The following ARFGEF2 variants were observed in gnomAD, a reference collection of about 807,000 sequenced individuals.
The protein encoded by ARFGEF2 is brefeldin A-inhibited guanine nucleotide-exchange protein 2.
ARFGEF2 carries 74 observed loss-of-function variants against 219.9 expected under a neutral mutation model. The ratio of observed to expected loss-of-function variants is 0.34; its 90% CI spans 0.28 to 0.41. ARFGEF2 has a LOEUF of 0.41. ARFGEF2 is among the 10% of genes least tolerant of loss of function. ARFGEF2 has a pLI of 1.00. For synonymous variants in ARFGEF2, 733 were observed against 799.2 expected, an observed-to-expected ratio of 0.92 and a Z score of 1.40; for missense variants, 1,743 against 2,218.3, an observed-to-expected ratio of 0.79 and a Z score of 4.30.
At chr20:48,970,142 C>T (rs1401576509) in intron 9 of ARFGEF2, among the ~76,000 whole-genome samples, 1 of 151,104 alleles carries the variant, frequency 6.6e-6, no homozygotes, top group Non-Finnish European at 1.5e-5. Flanking sequence ...AGATGAAACC[C>T]CACTTCTACT....
chr20:48,922,096 T>A, intron 1 of ARFGEF2, 86 bp downstream of exon 1: 1 of 1,488,814 alleles, frequency 6.7e-7, no homozygotes, highest in Non-Finnish European at 9.0e-7. Flanking sequence ...CCCGGCCTCC[T>A]GGCCTCCGCT....
chr20:48,936,977 A>C (rs1473739596), intron 1 of ARFGEF2, among the ~76,000 whole-genome samples: 1 of 152,152 alleles, frequency 6.6e-6, no homozygotes, highest in East Asian at 1.9e-4. Flanking sequence ...GGAAAAAAAA[A>C]AGATTGCATT....
At position 49,012,045 on chromosome 20, in the gene ARFGEF2, C is replaced by T. The variant is rs765224016; in HGVS notation, c.3879C>T (p.Leu1293=). The part of the protein sequence containing the change: ...FPDTSMEAIR[L]IRFCGKYVSE... ...ACACGAGCATGGAAGCGATTCGGCTCATCCGCTTCTGTGGCAAATACGTCT... is the reference window on the plus strand; with the variant it reads ...ACACGAGCATGGAAGCGATTCGGCTTATCCGCTTCTGTGGCAAATACGTCT... The change falls in exon 28 of 39, where the codon CTC becomes CTT. Residue 1293 remains leucine (L), a synonymous_variant. Coordinates refer to ENST00000371917, the MANE Select transcript of ARFGEF2 (RefSeq NM_006420.3). 1.7e-5 allele frequency: 28 copies of T among 1,614,130 alleles called. No homozygotes were observed. Among genetic ancestry groups the T allele is most frequent in the Non-Finnish European group, 2.1e-5 (25 of 1,179,964 alleles).
At chr20:48,982,472 G>C (rs1020761708) in intron 14 of ARFGEF2, among the ~76,000 whole-genome samples, 3 of 152,212 alleles carry the variant, frequency 2.0e-5, no homozygotes, top group African/African-American at 7.2e-5. Flanking sequence ...GGTCCCACTT[G>C]AGGAGGCAGG....
intron 20 of ARFGEF2, among the ~76,000 whole-genome samples, chr20:48,990,838 G>A (rs2091353450): frequency 6.6e-6 from 1 of 152,220 alleles, no homozygotes; most frequent in Admixed American, 6.5e-5. Context: ...TCTCAAACAT[G>A]TGGCAGTGCA....
chr20:49,011,831 A>ATG lies in ARFGEF2; in HGVS notation c.3758-74_3758-73dup, dbSNP rs147351722. 95,395 of 1,106,082 alleles carry ATG rather than the reference A, an allele frequency of 0.086. 2,304 individuals carry two copies. Among genetic ancestry groups the ATG allele is most frequent in the African/African-American group, 0.26 (16,191 of 63,370 alleles). 68.5% of individuals were successfully genotyped at this position (1,106,082 alleles called of 1,614,324 possible). A position where few individuals can be genotyped will look rare whatever the true frequency, so the allele number is the denominator to read the frequency against. ...TTTCACAGTTAATTATCTCTGATGT[A>ATG]TGTGTGTGTGTGTGTGTGTGCACGC... On this transcript the variant is annotated intron_variant, in intron 27 of 38. Transcript: ENST00000371917.
At chr20:48,984,566 T>C (rs544442537) in intron 14 of ARFGEF2, among the ~76,000 whole-genome samples, 163 bp from the exon 15 acceptor site, 1 of 152,284 alleles carries the variant, frequency 6.6e-6, no homozygotes, top group South Asian at 2.1e-4. Context: ...GGTCAGAAAT[T>C]GAAGGTGGAA....
intron 1 of ARFGEF2, among the ~76,000 whole-genome samples, chr20:48,928,192 CTTTTTTTTTT>C (rs747462352): frequency 9.5e-6 from 1 of 104,762 alleles, no homozygotes; most frequent in African/African-American, 3.9e-5. Flanking sequence ...GTGTTGCAAT[CTTTTTTTTTT>C]TTTTTTTTTT....
At chr20:49,006,257 G>A in intron 26 of ARFGEF2, among the ~76,000 whole-genome samples, 1 of 152,066 alleles carries the variant, frequency 6.6e-6, no homozygotes, top group East Asian at 1.9e-4. Context: ...TCACACCATT[G>A]CACTCCAGCC....
intron 3 of ARFGEF2, among the ~76,000 whole-genome samples, chr20:48,950,826 ATATATATATATATATATATATG>A (rs2091065469): frequency 1.6e-5 from 2 of 122,290 alleles, no homozygotes; most frequent in African/African-American, 7.7e-5. Context: ...ATATATATAT[ATATATATATATATATATATATG>A]TATGTATATA....
intron 10 of ARFGEF2, among the ~76,000 whole-genome samples, chr20:48,972,065 C>T (rs1275620377): frequency 6.6e-6 from 1 of 152,140 alleles, no homozygotes; most frequent in Non-Finnish European, 1.5e-5. Flanking sequence ...CATGAAAATC[C>T]AGATTTCTGG....
At chr20:49,000,812 C>T (rs1410293444) in intron 25 of ARFGEF2, among the ~76,000 whole-genome samples, 1 of 152,122 alleles carries the variant, frequency 6.6e-6, no homozygotes. Context: ...ATTTTGTGTT[C>T]ATTGGGACTT....
chr20:48,999,288 A>G, intron 25 of ARFGEF2: 1 of 444,510 alleles, frequency 2.2e-6, no homozygotes, highest in South Asian at 1.6e-5. Flanking sequence ...CCAAAGACCC[A>G]TCTGGGTTCT....
At chr20:49,023,478 A>G (rs974021194) in intron 35 of ARFGEF2, among the ~76,000 whole-genome samples, 2 of 151,820 alleles carry the variant, frequency 1.3e-5, no homozygotes, top group African/African-American at 4.8e-5. Context: ...AGTGTTAGTT[A>G]TCACAGGAAC....
At chr20:48,937,867 T>G (rs1417111109) in intron 1 of ARFGEF2, among the ~76,000 whole-genome samples, 1 of 152,166 alleles carries the variant, frequency 6.6e-6, no homozygotes, top group Non-Finnish European at 1.5e-5. Flanking sequence ...ACTTTGGAGA[T>G]TTCAGAAGGC....
At chr20:49,022,005 T>C (rs1216983024) in intron 34 of ARFGEF2, among the ~76,000 whole-genome samples, 1 of 150,814 alleles carries the variant, frequency 6.6e-6, no homozygotes, top group Admixed American at 6.6e-5. Flanking sequence ...AAAAACTAGC[T>C]GACACAGTGG....
chr20:49,011,897 T>C lies in ARFGEF2; in HGVS notation c.3758-27T>C, dbSNP rs2273531. ...TCCCCATTTCTAAATCCTGGTCTTATGAAAAATGTGCCTTGTGTTCCCCCA... is the reference window on the plus strand; with the variant it reads ...TCCCCATTTCTAAATCCTGGTCTTACGAAAAATGTGCCTTGTGTTCCCCCA... On this transcript the variant is annotated intron_variant, in intron 27 of 38. Transcript: ENST00000371917. The C allele has an allele frequency of 0.33, 536,752 of 1,613,554 alleles. 91,990 individuals carry two copies. Among genetic ancestry groups the C allele is most frequent in the African/African-American group, 0.54 (40,374 of 74,970 alleles).
intron 16 of ARFGEF2, 62 bp from the exon 17 acceptor site, chr20:48,988,242 T>G: frequency 1.6e-6 from 2 of 1,226,954 alleles, no homozygotes; most frequent in Non-Finnish European, 2.4e-6. Flanking sequence ...GTGTCTCTGT[T>G]AGCATTGTAC....
chr20:48,979,584 G>A (rs1387877629), intron 14 of ARFGEF2, among the ~76,000 whole-genome samples: 3 of 152,108 alleles, frequency 2.0e-5, no homozygotes, highest in East Asian at 3.9e-4. Flanking sequence ...GATAGGATTC[G>A]ACTTTGAATC....
Sources: allele counts gnomAD v4.1 joint callset (sites outside exome capture counted in the v4.1 genomes callset), GRCh38; gene constraint gnomAD v4.1.1; transcripts MANE v1.5; gene names NCBI Gene and HGNC (gene_info 2026-07-23, HGNC 2026-07-21).